The following HS3ST3A1 variants were observed in gnomAD, a reference collection of about 807,000 sequenced individuals.
HS3ST3A1 encodes heparan sulfate glucosamine 3-O-sulfotransferase 3A1.
Under a neutral mutation model 25.7 loss-of-function variants are expected in HS3ST3A1, and 19 were observed. That is an observed-to-expected ratio of 0.74 (90% CI 0.52 to 1.08). HS3ST3A1 has a LOEUF of 1.08. HS3ST3A1 is among the 50% of genes least tolerant of loss of function. HS3ST3A1 has a pLI of 0.00. For missense variants in HS3ST3A1, 459 were observed against 594.3 expected (o/e 0.77, Z 2.37); for synonymous variants, 226 against 278.6 (o/e 0.81, Z 1.88).
chr17:13,556,390 C>T (rs1907374759), intron 1 of HS3ST3A1, among the ~76,000 whole-genome samples: 1 of 151,886 alleles, frequency 6.6e-6, no homozygotes, highest in Non-Finnish European at 1.5e-5. Flanking sequence ...CACCTGTAGT[C>T]CCAGCTACTC....
At chr17:13,518,355 A>G (rs995438234) in intron 1 of HS3ST3A1, among the ~76,000 whole-genome samples, 7 of 152,250 alleles carry the variant, frequency 4.6e-5, no homozygotes, top group Admixed American at 6.5e-5. Context: ...TCTGTTTCCA[A>G]TGGCTTAGAA....
chr17:13,575,582 C>T (rs950598221), intron 1 of HS3ST3A1, among the ~76,000 whole-genome samples: 1 of 152,156 alleles, frequency 6.6e-6, no homozygotes, highest in African/African-American at 2.4e-5. Context: ...GATTTTAGCT[C>T]CTTCTGCCTG....
chr17:13,570,390 A>C (rs1282542848), intron 1 of HS3ST3A1, among the ~76,000 whole-genome samples: 1 of 151,264 alleles, frequency 6.6e-6, no homozygotes, highest in Non-Finnish European at 1.5e-5. Flanking sequence ...TTTCATGATA[A>C]AGGTAATAAT....
intron 1 of HS3ST3A1, among the ~76,000 whole-genome samples, chr17:13,508,085 A>G (rs1280501041): frequency 2.0e-5 from 3 of 152,198 alleles, no homozygotes; most frequent in East Asian, 1.9e-4. Flanking sequence ...CCGAATCTGG[A>G]TATGCAATTC....
At chr17:13,540,822 G>C (rs1373822467) in intron 1 of HS3ST3A1, among the ~76,000 whole-genome samples, 1 of 152,192 alleles carries the variant, frequency 6.6e-6, no homozygotes, top group African/African-American at 2.4e-5. Flanking sequence ...AAAAGGGAAA[G>C]GCAGAAGGGA....
At chr17:13,534,600 C>T (rs1906712909) in intron 1 of HS3ST3A1, among the ~76,000 whole-genome samples, 1 of 143,792 alleles carries the variant, frequency 7.0e-6, no homozygotes. Context: ...TGGTGGCATG[C>T]ACCTGTAGTT....
In HS3ST3A1 at chr17:13,601,640, C is replaced by A. The variant is rs1037721593; in HGVS notation, c.-511G>T. ...AGTGGCGAGCGACAGTGACTTCCAG[C>A]CCCGGCTTTCTCTGGTCCCCTTGCC... On this transcript the variant is annotated 5_prime_UTR_variant, in exon 1 of 2. Coordinates refer to ENST00000284110, the MANE Select transcript of HS3ST3A1 (RefSeq NM_006042.3). The A allele has an allele frequency of 1.0e-4, 16 of 153,672 alleles. No homozygotes were observed. Among genetic ancestry groups the A allele is most frequent in the African/African-American group, 3.6e-4 (15 of 41,514 alleles). The allele number at this position is 153,672 out of a possible 1,614,324, so 9.5% of individuals were successfully genotyped here. A position where few individuals can be genotyped will look rare whatever the true frequency, so the allele number is the denominator to read the frequency against.
intron 1 of HS3ST3A1, among the ~76,000 whole-genome samples, chr17:13,565,253 T>C (rs1359148524): frequency 6.6e-5 from 10 of 152,132 alleles, no homozygotes; most frequent in Admixed American, 6.5e-4. Context: ...TTAAAAAGCT[T>C]GAGGCCAGGC....
intron 1 of HS3ST3A1, among the ~76,000 whole-genome samples, chr17:13,547,219 A>C (rs1297291162): frequency 6.6e-6 from 1 of 152,160 alleles, no homozygotes; most frequent in Non-Finnish European, 1.5e-5. Flanking sequence ...TGATCATTAA[A>C]AAAAATTTGG....
At chr17:13,562,473 AC>A (rs1907575338) in intron 1 of HS3ST3A1, among the ~76,000 whole-genome samples, 1 of 152,114 alleles carries the variant, frequency 6.6e-6, no homozygotes, top group Non-Finnish European at 1.5e-5. Flanking sequence ...CAGCCCCCTC[AC>A]ACCCGCTCTG....
At chr17:13,579,331 A>G (rs1908037303) in intron 1 of HS3ST3A1, among the ~76,000 whole-genome samples, 1 of 152,184 alleles carries the variant, frequency 6.6e-6, no homozygotes, top group Non-Finnish European at 1.5e-5. Flanking sequence ...AAAGATTCCC[A>G]TCAAAAGTAT....
chr17:13,566,726 G>C (rs1474245613), intron 1 of HS3ST3A1, among the ~76,000 whole-genome samples: 1 of 152,084 alleles, frequency 6.6e-6, no homozygotes, highest in African/African-American at 2.4e-5. Flanking sequence ...ATCCCCTTAA[G>C]CCAAAGCCTA....
intron 1 of HS3ST3A1, among the ~76,000 whole-genome samples, chr17:13,591,108 G>A (rs1455143875): frequency 6.7e-6 from 1 of 148,870 alleles, no homozygotes; most frequent in Non-Finnish European, 1.5e-5. Context: ...GTGCAGTGGT[G>A]AGATCTTGGC....
intron 1 of HS3ST3A1, among the ~76,000 whole-genome samples, chr17:13,508,968 T>C (rs1260764899): frequency 6.6e-6 from 1 of 152,076 alleles, no homozygotes; most frequent in African/African-American, 2.4e-5. Flanking sequence ...CTTTAATTTT[T>C]TTTTTTTTTT....
At chr17:13,516,333 T>A (rs548155958) in intron 1 of HS3ST3A1, among the ~76,000 whole-genome samples, 2 of 152,170 alleles carry the variant, frequency 1.3e-5, no homozygotes, top group Non-Finnish European at 2.9e-5. Context: ...AATAAATAAA[T>A]AAATAAAAGT....
chr17:13,553,877 T>G (rs1907304391), intron 1 of HS3ST3A1, among the ~76,000 whole-genome samples: 1 of 152,220 alleles, frequency 6.6e-6, no homozygotes, highest in Admixed American at 6.5e-5. Flanking sequence ...CACATCTTAA[T>G]TAAACTTCCC....
At chr17:13,529,877 C>A (rs182500853) in intron 1 of HS3ST3A1, among the ~76,000 whole-genome samples, 4 of 151,718 alleles carry the variant, frequency 2.6e-5, no homozygotes, top group African/African-American at 4.8e-5. Context: ...AGCTCCCCCC[C>A]ACCCCAATTC....
At position 13,537,497 on chromosome 17, in the gene HS3ST3A1, C is replaced by T. The variant is rs148956669; in HGVS notation, c.600-40679G>A. Among the ~76,000 whole-genome samples, 435 of 152,276 alleles carry T rather than the reference C, an allele frequency of 2.9e-3. 4 individuals carry two copies. Among genetic ancestry groups the T allele is most frequent in the African/African-American group, 1.0e-2 (415 of 41,558 alleles). ...CTTTGCACAAAGGTGAATAAATCAA[C>T]GTGAAGCTCTTATCATCTTATTTTC... is the stretch of plus-strand genomic sequence containing the variant. On this transcript the variant is annotated intron_variant, in intron 1 of 1. Transcript: ENST00000284110.
intron 1 of HS3ST3A1, among the ~76,000 whole-genome samples, chr17:13,565,166 A>C (rs559217204): frequency 6.6e-6 from 1 of 151,858 alleles, no homozygotes; most frequent in Admixed American, 6.6e-5. Flanking sequence ...CAGTGGTTAC[A>C]TTTCAATTTT....
Sources: allele counts gnomAD v4.1 joint callset (sites outside exome capture counted in the v4.1 genomes callset), GRCh38; gene constraint gnomAD v4.1.1; transcripts MANE v1.5; gene names NCBI Gene and HGNC (gene_info 2026-07-23, HGNC 2026-07-21).